NSUN4: variants seen among roughly 807,000 people sequenced by gnomAD.
The protein encoded by NSUN4 is NOP2/Sun RNA methyltransferase 4.
In NSUN4, 31 loss-of-function variants were observed where a neutral mutation model predicts 43.8. That is an observed-to-expected ratio of 0.71 (90% confidence interval 0.53 to 0.96). The LOEUF is 0.96. NSUN4 is among the 40% of genes least tolerant of loss of function. NSUN4 has a pLI of 0.00. For synonymous variants in NSUN4, 167 were observed against 184.1 expected, an observed-to-expected ratio of 0.91 and a Z score of 0.75; for missense variants, 439 against 475.6, an observed-to-expected ratio of 0.92 and a Z score of 0.72.
At position 46,350,254 on chromosome 1, in the gene NSUN4, G is replaced by T. The variant is rs186805750; in HGVS notation, c.593-2614G>T. ...CCTCAAAAATGGAGACATTGGCCGGGGGGCGGTGACTCACGCCTGTAATCC... is the reference window on the plus strand; with the variant it reads ...CCTCAAAAATGGAGACATTGGCCGGTGGGCGGTGACTCACGCCTGTAATCC... On this transcript the variant is annotated intron_variant, in intron 3 of 5. Coordinates refer to ENST00000474844, the MANE Select transcript of NSUN4 (RefSeq NM_199044.4). Among the ~76,000 whole-genome samples, 217 of 152,276 alleles carry T rather than the reference G, an allele frequency of 1.4e-3. 1 individual carries two copies. Among genetic ancestry groups the T allele is most frequent in the Admixed American group, 4.0e-3 (61 of 15,288 alleles).
intron 3 of NSUN4, among the ~76,000 whole-genome samples, chr1:46,352,161 A>AT (rs1557740466): frequency 6.6e-6 from 1 of 150,642 alleles, no homozygotes; most frequent in African/African-American, 2.4e-5. Context: ...AAAAAAAAAA[A>AT]AGAATGTGGC....
downstream of NSUN4, among the ~76,000 whole-genome samples, chr1:46,365,480 C>T (rs140505581): frequency 0.029 from 4,360 of 152,262 alleles, 214 homozygotes; most frequent in African/African-American, 0.1. Flanking sequence ...GCTGGGATTA[C>T]AGGCACCCAC....
At chr1:46,365,304 C>G (rs1664107824), downstream of NSUN4, among the ~76,000 whole-genome samples, 1 of 151,998 alleles carries the variant, frequency 6.6e-6, no homozygotes, top group African/African-American at 2.4e-5. Flanking sequence ...CTGCCAATAC[C>G]TTTTGGGCAT....
At chr1:46,378,592 C>T in the NSUN4 span, among the ~76,000 whole-genome samples, 1 of 152,318 alleles carries the variant, frequency 6.6e-6, no homozygotes, top group South Asian at 2.1e-4. Flanking sequence ...TCTGTAAGGC[C>T]TCGGTTACTT....
intron 3 of NSUN4, among the ~76,000 whole-genome samples, chr1:46,347,868 TTTC>T (rs1425887000): frequency 6.6e-6 from 1 of 151,328 alleles, no homozygotes; most frequent in Non-Finnish European, 1.5e-5. Flanking sequence ...TCTTTTTTTT[TTTC>T]TTTCTTTTTT....
chr1:46,341,925 G>T (rs10489770), intron 1 of NSUN4: 1 of 1,232,768 alleles, frequency 8.1e-7, no homozygotes. Context: ...TTCAGCTTTT[G>T]GAACCAGCCC....
chr1:46,351,931 T>C (rs1003886527), intron 3 of NSUN4, among the ~76,000 whole-genome samples: 1 of 151,352 alleles, frequency 6.6e-6, no homozygotes, highest in African/African-American at 2.4e-5. Context: ...CCCAAAGTGC[T>C]GGGATTACAG....
chr1:46,375,223 G>T, the NSUN4 span, among the ~76,000 whole-genome samples: 1 of 151,792 alleles, frequency 6.6e-6, no homozygotes, highest in Non-Finnish European at 1.5e-5. Context: ...ATCACCTGAG[G>T]TTGGGAGTTT....
intron 4 of NSUN4, among the ~76,000 whole-genome samples, chr1:46,359,330 G>C (rs1016846541): frequency 6.6e-6 from 1 of 152,052 alleles, no homozygotes; most frequent in Non-Finnish European, 1.5e-5. Flanking sequence ...TGCTCAAGGA[G>C]TCGTGTTTCC....
intron 3 of NSUN4, among the ~76,000 whole-genome samples, chr1:46,349,286 C>T (rs993416324): frequency 4.6e-5 from 7 of 151,956 alleles, no homozygotes; most frequent in Admixed American, 1.3e-4. Context: ...ACCACGGGCA[C>T]CCGCCACCAT....
intron 1 of NSUN4, chr1:46,342,025 C>T (rs17357621): frequency 0.27 from 302,768 of 1,136,724 alleles, 43,546 homozygotes; most frequent in Non-Finnish European, 0.29. Flanking sequence ...GAAACTGGAC[C>T]CATGATTTCG....
chr1:46,358,968 T>C (rs758192524), intron 4 of NSUN4, among the ~76,000 whole-genome samples: 13 of 152,160 alleles, frequency 8.5e-5, no homozygotes, highest in East Asian at 5.8e-4. Flanking sequence ...AAAAAACAAA[T>C]TGGGGCCGGC....
chr1:46,342,093 C>T (rs1324635745), intron 1 of NSUN4: 1 of 545,218 alleles, frequency 1.8e-6, no homozygotes, highest in Admixed American at 4.4e-5. Context: ...TCCTCTTGCT[C>T]GCCGGCCGGT....
At chr1:46,378,417 G>A in the NSUN4 span, among the ~76,000 whole-genome samples, 1 of 152,036 alleles carries the variant, frequency 6.6e-6, no homozygotes, top group East Asian at 1.9e-4. Context: ...GGCTGGTCTT[G>A]AACTCCAGAC....
At position 46,360,686 on chromosome 1, in the gene NSUN4, C is replaced by T. The variant is rs1403755967; in HGVS notation, c.754-18C>T. The T allele has an allele frequency of 1.9e-6, 3 of 1,613,044 alleles. No individual in the cohort carries two copies. Among genetic ancestry groups the T allele is most frequent in the Non-Finnish European group, 2.5e-6 (3 of 1,179,390 alleles). On this transcript the variant is annotated intron_variant, in intron 4 of 5. Coordinates refer to ENST00000474844, the MANE Select transcript of NSUN4 (RefSeq NM_199044.4). ...CTATAAGGATCTTTAATACTTTACC[C>T]TTTAACACTCTGGGTAGGTGCTGGT...
intron 1 of NSUN4, 60 bp downstream of exon 1, chr1:46,340,979 C>A (rs769087752): frequency 1.4e-6 from 2 of 1,458,462 alleles, no homozygotes; most frequent in East Asian, 2.4e-5. Flanking sequence ...TCCAGTCTTT[C>A]CGTTTCCCGG....
chr1:46,368,577 G>A (rs59082884), downstream of NSUN4, among the ~76,000 whole-genome samples: 17,314 of 152,220 alleles, frequency 0.11, 1,316 homozygotes, highest in South Asian at 0.39. Flanking sequence ...CAAACAGCAT[G>A]AGTGACCCCA....
At chr1:46,343,966 C>T in intron 1 of NSUN4, 4 of 395,476 alleles carry the variant, frequency 1.0e-5, no homozygotes, top group Non-Finnish European at 1.8e-5. Flanking sequence ...AGCAAAAGTT[C>T]TGACCAGACC....
intron 4 of NSUN4, among the ~76,000 whole-genome samples, chr1:46,359,818 A>G (rs1663685138): frequency 6.6e-6 from 1 of 152,098 alleles, no homozygotes; most frequent in Admixed American, 6.6e-5. Flanking sequence ...TGTTTTCCAG[A>G]CTGTAATAAC....
Sources: gnomAD v4.1 joint callset for allele counts (sites outside exome capture counted in the v4.1 genomes callset) on GRCh38, gnomAD v4.1.1 for gene constraint, MANE v1.5 for transcripts, NCBI Gene and HGNC (gene_info 2026-07-23, HGNC 2026-07-21) for gene names.